Variants in ADARB2 observed in about 807,000 individuals in gnomAD.
ADARB2 encodes the protein adenosine deaminase RNA specific B2 (inactive), also known as inactive double-stranded RNA-specific editase B2.
In ADARB2, 25 loss-of-function variants were observed where a neutral mutation model predicts 62.2. That is an observed-to-expected ratio of 0.40 (90% confidence interval 0.29 to 0.56). ADARB2 has a LOEUF of 0.56. Ranked by LOEUF, ADARB2 falls within the 20% of genes least tolerant of loss-of-function variation. The pLI, the probability that ADARB2 is intolerant of heterozygous loss-of-function variation, is 0.43. For missense variants in ADARB2, 1,071 were observed against 1,077.4 expected, an observed-to-expected ratio of 0.99 and a Z score of 0.08; for synonymous variants, 572 against 500.8, an observed-to-expected ratio of 1.14 and a Z score of -1.90.
chr10:1,611,893 G>A (rs1173912907), intron 1 of ADARB2, among the ~76,000 whole-genome samples: 1 of 152,166 alleles, frequency 6.6e-6, no homozygotes, highest in African/African-American at 2.4e-5. Context: ...CACCCCAGAT[G>A]CGTGGTGCCT....
intron 1 of ADARB2, among the ~76,000 whole-genome samples, chr10:1,721,924 A>G (rs980771016): frequency 6.6e-6 from 1 of 152,206 alleles, no homozygotes; most frequent in Non-Finnish European, 1.5e-5. Flanking sequence ...TGGTGATCAG[A>G]GATTGATACT....
intron 1 of ADARB2, among the ~76,000 whole-genome samples, chr10:1,474,938 G>A (rs1208709101): frequency 1.3e-5 from 2 of 152,172 alleles, no homozygotes; most frequent in Non-Finnish European, 2.9e-5. Flanking sequence ...CTCAGTGACC[G>A]AGGCGGCGGC....
At chr10:1,724,061 T>C (rs906571833) in intron 1 of ADARB2, among the ~76,000 whole-genome samples, 2 of 152,232 alleles carry the variant, frequency 1.3e-5, no homozygotes, top group Non-Finnish European at 2.9e-5. Context: ...CCAAAATTCA[T>C]GCATTTAAGT....
At chr10:1,488,961 T>C (rs1056382608) in intron 1 of ADARB2, among the ~76,000 whole-genome samples, 9 of 152,162 alleles carry the variant, frequency 5.9e-5, no homozygotes, top group African/African-American at 2.2e-4. Context: ...TTGAGAGAAA[T>C]TGGAAGGCAT....
intron 1 of ADARB2, among the ~76,000 whole-genome samples, chr10:1,591,849 C>T (rs1444120876): frequency 6.6e-6 from 1 of 152,212 alleles, no homozygotes; most frequent in Non-Finnish European, 1.5e-5. Flanking sequence ...CTGTGTAGCG[C>T]TGGTATCTTG....
chr10:1,641,923 G>C (rs1167955763), intron 1 of ADARB2, among the ~76,000 whole-genome samples: 1 of 152,138 alleles, frequency 6.6e-6, no homozygotes, highest in African/African-American at 2.4e-5. Flanking sequence ...TGAGGCAGGA[G>C]AATCACTTGA....
chr10:1,229,432 C>G (rs998626720), intron 6 of ADARB2, among the ~76,000 whole-genome samples: 1 of 152,132 alleles, frequency 6.6e-6, no homozygotes, highest in Non-Finnish European at 1.5e-5. Context: ...GAAGTGTGCT[C>G]CTAGAAACCC....
In ADARB2 at chr10:1,545,503, G is replaced by A. The variant is rs367850831; in HGVS notation, c.101-166343C>T. 8.5e-4 allele frequency among the ~76,000 whole-genome samples: 129 copies of A among 152,268 alleles called. No homozygotes were observed. In the South Asian group the frequency reaches 0.025, roughly 29 times the overall value. On this transcript the variant is annotated intron_variant, in intron 1 of 9. Coordinates refer to ENST00000381312, the MANE Select transcript of ADARB2 (RefSeq NM_018702.4). The stretch of plus-strand genomic sequence containing the variant: ...TAGAAGAGAGTTTCAGTGAGCTCCC[G>A]CGGGCAGTGACCTTGACTGCGAATT...
Position 1,379,104 on chromosome 10 carries a change from T to C in ADARB2, c.157A>G (p.Ile53Val). 1 of 1,613,908 alleles carries C rather than the reference T, an allele frequency of 6.2e-7. No individual in the cohort carries two copies. Among genetic ancestry groups the C allele is most frequent in the Non-Finnish European group, 8.5e-7 (1 of 1,179,866 alleles). ...LAPFKHLSPG[I>V]TNTEDDDTLS... ...GTGTCGTCATCCTCCGTGTTTGTGA[T>C]GCCAGGACTCAGGTGCTTGAAAGGA... The change falls in exon 2 of 10, where the codon ATC becomes GTC. Residue 53 changes from isoleucine (I) to valine (V), a missense_variant. Physicochemically the swap from Ile to Val is conservative, Grantham distance 29. Transcript: ENST00000381312.
intron 1 of ADARB2, among the ~76,000 whole-genome samples, chr10:1,381,203 C>A (rs1385961034): frequency 6.6e-6 from 1 of 151,936 alleles, no homozygotes; most frequent in Non-Finnish European, 1.5e-5. Context: ...CACATATATA[C>A]TTAAAAACCT....
At chr10:1,599,031 C>T (rs1357311574) in intron 1 of ADARB2, among the ~76,000 whole-genome samples, 1 of 152,230 alleles carries the variant, frequency 6.6e-6, no homozygotes, top group Admixed American at 6.5e-5. Context: ...AGTATTGTAG[C>T]TCACAACCAA....
chr10:1,363,774 A>T lies in ADARB2; in HGVS notation c.331T>A (p.Cys111Ser), dbSNP rs1832285802. The change falls in exon 3 of 10, where the codon TGC (cysteine) becomes AGC (serine). Residue 111 changes from cysteine (C) to serine (S), a missense_variant. Physicochemically the swap from Cys to Ser is moderately radical, Grantham distance 112. Transcript: ENST00000381312. The part of the protein sequence containing the change: ...PLEEGNGGHL[C>S]KLQLVWKKLS... ...TTCTTCCAGACCAGCTGCAGTTTGC[A>T]CAAGTGGCCCCCATTCCCCTCCTCC... The T allele has an allele frequency of 1.9e-6, 3 of 1,602,472 alleles. No homozygotes were observed. The highest frequency in any genetic ancestry group is 1.3e-5 in the African/African-American group (1 of 74,704).
chr10:1,488,603 C>A (rs1242131909), intron 1 of ADARB2, among the ~76,000 whole-genome samples: 2 of 152,146 alleles, frequency 1.3e-5, no homozygotes, highest in East Asian at 1.9e-4. Context: ...GATCAATGAG[C>A]CCTGCACCCC....
chr10:1,404,248 A>AG (rs1832687844), intron 1 of ADARB2, among the ~76,000 whole-genome samples: 3 of 151,540 alleles, frequency 2.0e-5, no homozygotes, highest in Non-Finnish European at 4.4e-5. Context: ...CTTGGCCATG[A>AG]GAGCAGGACA....
chr10:1,479,373 T>C (rs576637492), intron 1 of ADARB2, among the ~76,000 whole-genome samples: 1 of 152,300 alleles, frequency 6.6e-6, no homozygotes, highest in South Asian at 2.1e-4. Context: ...AAGTTAGGGA[T>C]AGCAGATTCC....
chr10:1,386,852 G>T (rs1832529576), intron 1 of ADARB2, among the ~76,000 whole-genome samples: 2 of 151,744 alleles, frequency 1.3e-5, no homozygotes, highest in African/African-American at 4.8e-5. Flanking sequence ...TTGCTGAGAT[G>T]GACTGTACAC....
chr10:1,637,179 A>T lies in ADARB2; in HGVS notation c.100+99872T>A, dbSNP rs981557299. Among the ~76,000 whole-genome samples, 2 of 152,298 alleles carry T rather than the reference A, an allele frequency of 1.3e-5. 1 individual carries two copies. Among genetic ancestry groups the T allele is most frequent in the Non-Finnish European group, 2.9e-5 (2 of 68,036 alleles). On this transcript the variant is annotated intron_variant, in intron 1 of 9. Transcript: ENST00000381312. Reference sequence around the variant, plus strand: ...AAATTACTGAGATTTCTTTTACCACAAGTGGCTCTGCTCTAGCTAACATCA... The same window carrying T: ...AAATTACTGAGATTTCTTTTACCACTAGTGGCTCTGCTCTAGCTAACATCA...
At chr10:1,242,432 G>C in intron 4 of ADARB2, 133 bp from the exon 5 acceptor site, 2 of 1,226,422 alleles carry the variant, frequency 1.6e-6, no homozygotes, top group Non-Finnish European at 2.2e-6. Flanking sequence ...TTGAGAGCTG[G>C]GAAGCGAGGC....
chr10:1,656,737 A>C (rs1297465550), intron 1 of ADARB2, among the ~76,000 whole-genome samples: 1 of 152,178 alleles, frequency 6.6e-6, no homozygotes, highest in East Asian at 1.9e-4. Context: ...CTTTAGGCCA[A>C]TGTGCTCAAA....
Sources: allele counts gnomAD v4.1 joint callset (sites outside exome capture counted in the v4.1 genomes callset), GRCh38; gene constraint gnomAD v4.1.1; transcripts MANE v1.5; gene names NCBI Gene and HGNC (gene_info 2026-07-23, HGNC 2026-07-21).